XPO4: variants seen among roughly 807,000 people sequenced by gnomAD.
The protein encoded by XPO4 is exportin 4.
A neutral mutation model predicts 143.0 loss-of-function variants in XPO4; 39 were observed. The ratio of observed to expected loss-of-function variants is 0.27; its 90% CI spans 0.21 to 0.36. The LOEUF (loss-of-function observed/expected upper bound fraction) is 0.36. Among genes scored for constraint, XPO4 ranks in the 10% least tolerant of loss-of-function variants. The probability of loss-of-function intolerance (pLI) is 1.00; values close to 1 mark genes in which losing one functional copy is unlikely to be tolerated. For missense variants in XPO4, 907 were observed against 1,348.0 expected, an observed-to-expected ratio of 0.67 and a Z score of 5.12; for synonymous variants, 439 against 474.0, an observed-to-expected ratio of 0.93 and a Z score of 0.96.
chr13:20,847,554 C>T (rs2060040265), intron 4 of XPO4, among the ~76,000 whole-genome samples: 1 of 152,214 alleles, frequency 6.6e-6, no homozygotes, highest in African/African-American at 2.4e-5. Flanking sequence ...CTCCTTCAGA[C>T]TGTTAGGTCT....
At chr13:20,808,255 A>G (rs866857758) in intron 12 of XPO4, among the ~76,000 whole-genome samples, 181 bp downstream of exon 12, 55 of 152,330 alleles carry the variant, frequency 3.6e-4, no homozygotes, top group African/African-American at 1.2e-3. Flanking sequence ...TGCAATAGGC[A>G]CTGCATACAT....
In XPO4 at chr13:20,799,265, T is replaced by C; in HGVS notation, c.2222A>G (p.Asn741Ser). Reference protein sequence around the residue: ...KQFASRSPPLNFLSSPVQRTL... With the variant: ...KQFASRSPPLSFLSSPVQRTL... ...CCTCTGCACAGGACTTGACAAGAAATTAAGAGGTGGGCTTCGGCTTGCAAA... is the reference window on the plus strand; with the variant it reads ...CCTCTGCACAGGACTTGACAAGAAACTAAGAGGTGGGCTTCGGCTTGCAAA... The change falls in exon 16 of 23, where the codon AAT becomes AGT. Residue 741 changes from asparagine (N) to serine (S), a missense_variant. Physicochemically the swap from Asn to Ser is conservative, Grantham distance 46. Transcript: ENST00000255305. The C allele has an allele frequency of 6.2e-7, 1 of 1,614,076 alleles. No individual in the cohort carries two copies. The highest frequency in any genetic ancestry group is 8.5e-7 in the Non-Finnish European group (1 of 1,179,996).
At chr13:20,819,229 C>A (rs755511572) in intron 9 of XPO4, among the ~76,000 whole-genome samples, 44 of 152,312 alleles carry the variant, frequency 2.9e-4, no homozygotes, top group Non-Finnish European at 4.4e-4. Context: ...AGTGAAGCAG[C>A]TTGCTTGAAC....
chr13:20,854,312 C>T (rs1342352512), intron 4 of XPO4, among the ~76,000 whole-genome samples: 1 of 151,948 alleles, frequency 6.6e-6, no homozygotes, highest in Non-Finnish European at 1.5e-5. Context: ...TAGCTGTGTG[C>T]GGTGAAAAGT....
In XPO4 at chr13:20,781,788, A is replaced by G. The variant is rs9509372; in HGVS notation, c.*1934T>C. 0.83 allele frequency: 126,555 copies of G among 152,128 alleles called. 52,873 individuals are homozygous for G. Among genetic ancestry groups the G allele is most frequent in the East Asian group, 1 (5,173 of 5,176 alleles). The allele number at this position is 152,128 out of a possible 1,614,324, so 9.4% of individuals were successfully genotyped here. Reference sequence around the variant, plus strand: ...GCACACACACAGATACACATAATTCACAACAGCTGAGAAAGCTTGAGGGAT... The same window carrying G: ...GCACACACACAGATACACATAATTCGCAACAGCTGAGAAAGCTTGAGGGAT... On this transcript the variant is annotated 3_prime_UTR_variant, in exon 23 of 23. Coordinates refer to ENST00000255305, the MANE Select transcript of XPO4 (RefSeq NM_022459.5).
At chr13:20,798,082 G>A (rs2059382143) in intron 16 of XPO4, among the ~76,000 whole-genome samples, 1 of 152,116 alleles carries the variant, frequency 6.6e-6, no homozygotes, top group South Asian at 2.1e-4. Flanking sequence ...GGTGGAGGTT[G>A]CAGTGAGCCA....
chr13:20,852,636 A>G, intron 4 of XPO4: 1 of 961,152 alleles, frequency 1.0e-6, no homozygotes. Context: ...ATAATATTTT[A>G]TAACATTTAA....
intron 4 of XPO4, among the ~76,000 whole-genome samples, chr13:20,845,871 C>A (rs2060024028): frequency 6.6e-6 from 1 of 152,038 alleles, no homozygotes; most frequent in South Asian, 2.1e-4. Flanking sequence ...TCCCAAGATC[C>A]TAGGATCCTG....
chr13:20,857,416 T>C (rs1361469066), intron 3 of XPO4, among the ~76,000 whole-genome samples: 3 of 152,134 alleles, frequency 2.0e-5, no homozygotes, highest in Non-Finnish European at 4.4e-5. Flanking sequence ...CTACTACTAT[T>C]ATTCACTCCA....
intron 4 of XPO4, among the ~76,000 whole-genome samples, chr13:20,844,656 C>A (rs2060012209): frequency 6.6e-6 from 1 of 152,138 alleles, no homozygotes; most frequent in African/African-American, 2.4e-5. Context: ...ACTGTCATAC[C>A]CACCCACCAA....
chr13:20,889,919 G>A (rs1053761226), intron 1 of XPO4, among the ~76,000 whole-genome samples: 4 of 152,128 alleles, frequency 2.6e-5, no homozygotes, highest in Admixed American at 2.0e-4. Context: ...AAATGAAAAT[G>A]ATTTATAACT....
At chr13:20,882,754 G>A (rs1261232424) in intron 1 of XPO4, among the ~76,000 whole-genome samples, 1 of 152,040 alleles carries the variant, frequency 6.6e-6, no homozygotes. Context: ...CAGGTGTGGT[G>A]GTGGGCACCT....
chr13:20,844,517 T>C (rs990688772), intron 4 of XPO4, among the ~76,000 whole-genome samples: 10 of 152,298 alleles, frequency 6.6e-5, no homozygotes, highest in Admixed American at 6.5e-4. Flanking sequence ...GTACAAAGGA[T>C]GGAAAGAGGA....
Position 20,822,521 on chromosome 13 carries a change from T to C in XPO4, c.841-232A>G, listed in dbSNP as rs150995035. Among the ~76,000 whole-genome samples the C allele has an allele frequency of 1.0e-3, 152 of 152,348 alleles. No individual in the cohort carries two copies. The Middle Eastern group carries it at 0.01, about 10-fold the overall frequency. On this transcript the variant is annotated intron_variant, in intron 7 of 22. Coordinates refer to ENST00000255305, the MANE Select transcript of XPO4 (RefSeq NM_022459.5). ...CTGAGGGCTACCTACATTTTGAAAA[T>C]TGATCTGTCTCCAGCATGTTATGAC... is the stretch of plus-strand genomic sequence containing the variant.
intron 7 of XPO4, among the ~76,000 whole-genome samples, chr13:20,823,366 T>G (rs1037984089): frequency 7.2e-5 from 11 of 152,190 alleles, no homozygotes; most frequent in African/African-American, 4.8e-5. Flanking sequence ...GTTCACTGAG[T>G]CCCTTAATCC....
chr13:20,801,012 C>A (rs751853523), intron 13 of XPO4, 22 bp from the exon 14 acceptor site: 2 of 1,598,494 alleles, frequency 1.3e-6, no homozygotes, highest in Non-Finnish European at 1.7e-6. Context: ...AAACAGAAGT[C>A]ATTTATTCTT....
chr13:20,852,717 C>G, intron 4 of XPO4: 7 of 978,462 alleles, frequency 7.2e-6, no homozygotes, highest in Non-Finnish European at 7.3e-6. Context: ...TACACCACAT[C>G]TATATTATAT....
At chr13:20,868,182 A>AT (rs1566616681) in intron 2 of XPO4, among the ~76,000 whole-genome samples, 17 of 150,378 alleles carry the variant, frequency 1.1e-4, no homozygotes, top group East Asian at 1.9e-4. Context: ...AAAAAAAAAA[A>AT]CTATGGAAAA....
chr13:20,831,267 G>A (rs561305328), intron 6 of XPO4, among the ~76,000 whole-genome samples: 1 of 152,178 alleles, frequency 6.6e-6, no homozygotes, highest in South Asian at 2.1e-4. Flanking sequence ...AAAGCAAGAT[G>A]TTCATTTAAA....
Sources: gnomAD v4.1 joint callset for allele counts (sites outside exome capture counted in the v4.1 genomes callset) on GRCh38, gnomAD v4.1.1 for gene constraint, MANE v1.5 for transcripts, NCBI Gene and HGNC (gene_info 2026-07-23, HGNC 2026-07-21) for gene names.